THEMIS: variants seen among roughly 807,000 people sequenced by gnomAD.
THEMIS encodes thymocyte selection associated.
A neutral mutation model predicts 52.6 loss-of-function variants in THEMIS; 37 were observed. The ratio of observed to expected loss-of-function variants is 0.70; its 90% confidence interval spans 0.54 to 0.93. THEMIS has a LOEUF of 0.93. THEMIS is among the 40% of genes least tolerant of loss of function. The probability of loss-of-function intolerance (pLI) is 0.00; values close to 1 mark genes in which losing one functional copy is unlikely to be tolerated. For missense variants in THEMIS, 808 were observed against 763.1 expected, an observed-to-expected ratio of 1.06 and a Z score of -0.69; for synonymous variants, 292 against 272.7, an observed-to-expected ratio of 1.07 and a Z score of -0.70.
chr6:127,779,200 T>C (rs1424807526), intron 4 of THEMIS, among the ~76,000 whole-genome samples: 1 of 152,156 alleles, frequency 6.6e-6, no homozygotes, highest in Admixed American at 6.6e-5. Flanking sequence ...TACTTTTGAC[T>C]TTATCATCTT....
the THEMIS span, among the ~76,000 whole-genome samples, chr6:127,696,774 G>A: frequency 1.1e-4 from 17 of 152,108 alleles, no homozygotes; most frequent in African/African-American, 4.1e-4. Flanking sequence ...ATTGTAGATA[G>A]CTTTCTCTCT....
intron 1 of THEMIS, among the ~76,000 whole-genome samples, chr6:127,895,457 C>T (rs1380683408): frequency 2.0e-5 from 3 of 151,406 alleles, no homozygotes; most frequent in East Asian, 1.9e-4. Context: ...TATTACTAAT[C>T]GTATTTAACT....
intron 2 of THEMIS, among the ~76,000 whole-genome samples, chr6:127,845,852 A>G (rs1042139283): frequency 2.6e-5 from 4 of 152,128 alleles, no homozygotes; most frequent in African/African-American, 9.6e-5. Flanking sequence ...GTTCCAACAT[A>G]TTCCTAAGAA....
At chr6:127,878,342 A>T (rs1314163035) in intron 1 of THEMIS, among the ~76,000 whole-genome samples, 1 of 152,208 alleles carries the variant, frequency 6.6e-6, no homozygotes, top group Non-Finnish European at 1.5e-5. Flanking sequence ...ACAGTTGCAG[A>T]AGTCTCTAAT....
intron 3 of THEMIS, among the ~76,000 whole-genome samples, chr6:127,821,300 C>T (rs1219017358): frequency 6.6e-6 from 1 of 151,784 alleles, no homozygotes; most frequent in Non-Finnish European, 1.5e-5. Context: ...TGTCATTTTC[C>T]AAAAAAGTTC....
intron 3 of THEMIS, among the ~76,000 whole-genome samples, chr6:127,823,482 C>T (rs1778408110): frequency 6.6e-6 from 1 of 152,100 alleles, no homozygotes; most frequent in African/African-American, 2.4e-5. Flanking sequence ...CATAAATATA[C>T]ACGCATAAAC....
chr6:127,814,013 A>C, intron 3 of THEMIS, 82 bp from the exon 4 acceptor site: 3 of 1,173,924 alleles, frequency 2.6e-6, no homozygotes, highest in South Asian at 3.7e-5. Flanking sequence ...GCCATAAATA[A>C]ATTTCTTTTA....
chr6:127,805,966 T>C (rs1054586010), intron 4 of THEMIS, among the ~76,000 whole-genome samples: 1 of 152,092 alleles, frequency 6.6e-6, no homozygotes, highest in Non-Finnish European at 1.5e-5. Context: ...CTTTTGATTT[T>C]TTTTTTTAAA....
intron 2 of THEMIS, among the ~76,000 whole-genome samples, chr6:127,830,278 AT>A (rs1407994052): frequency 6.6e-6 from 1 of 152,234 alleles, no homozygotes; most frequent in African/African-American, 2.4e-5. Context: ...TCTCAGTCAC[AT>A]TTTAAATTTT....
chr6:127,742,434 C>A (rs1668587251), intron 4 of THEMIS, among the ~76,000 whole-genome samples: 1 of 150,930 alleles, frequency 6.6e-6, no homozygotes, highest in African/African-American at 2.4e-5. Flanking sequence ...TAAAAAAAAC[C>A]TAAAAGCAGA....
chr6:127,738,056 G>A (rs1775066673), intron 4 of THEMIS, among the ~76,000 whole-genome samples: 1 of 152,090 alleles, frequency 6.6e-6, no homozygotes, highest in Admixed American at 6.6e-5. Context: ...ATAACTAATA[G>A]AAGCATGAGC....
chr6:127,769,850 C>T (rs1444858098), intron 4 of THEMIS, among the ~76,000 whole-genome samples: 1 of 152,156 alleles, frequency 6.6e-6, no homozygotes, highest in African/African-American at 2.4e-5. Flanking sequence ...TCATTTCCCA[C>T]CTATGAGTGA....
intron 1 of THEMIS, among the ~76,000 whole-genome samples, chr6:127,865,408 C>T (rs956015387): frequency 2.6e-5 from 4 of 152,082 alleles, no homozygotes; most frequent in African/African-American, 7.2e-5. Flanking sequence ...CACCCAAAGC[C>T]TGCTGAGTTA....
intron 4 of THEMIS, among the ~76,000 whole-genome samples, chr6:127,770,641 AT>A (rs1347613554): frequency 1.3e-5 from 2 of 152,008 alleles, no homozygotes; most frequent in African/African-American, 4.8e-5. Flanking sequence ...CCATTTGTCA[AT>A]TTTGGCTTTT....
intron 4 of THEMIS, among the ~76,000 whole-genome samples, chr6:127,753,437 A>G (rs1249746818): frequency 6.6e-6 from 1 of 152,114 alleles, no homozygotes; most frequent in Admixed American, 6.6e-5. Context: ...AAAATACTTA[A>G]GAATAAAATT....
chr6:127,858,483 G>T (rs1779690564), intron 1 of THEMIS, among the ~76,000 whole-genome samples: 1 of 152,034 alleles, frequency 6.6e-6, no homozygotes, highest in Admixed American at 6.6e-5. Flanking sequence ...GGGACATATA[G>T]CAAAGCTTAA....
chr6:127,889,551 T>A (rs1427655418), intron 1 of THEMIS, among the ~76,000 whole-genome samples: 2 of 152,092 alleles, frequency 1.3e-5, no homozygotes, highest in African/African-American at 4.8e-5. Context: ...AGATATGAGG[T>A]TAAAGTGGAA....
upstream of THEMIS, among the ~76,000 whole-genome samples, chr6:127,905,319 A>G (rs767688205): frequency 6.6e-6 from 1 of 152,046 alleles, no homozygotes; most frequent in Non-Finnish European, 1.5e-5. Context: ...AACAAAAACC[A>G]ATAAGGGTAG....
intron 1 of THEMIS, among the ~76,000 whole-genome samples, chr6:127,891,575 G>T (rs372222905): frequency 6.8e-6 from 1 of 147,292 alleles, no homozygotes; most frequent in Non-Finnish European, 1.5e-5. Context: ...CAAAGAAAAA[G>T]AAAGTCCTGA....
Sources: allele counts gnomAD v4.1 joint callset (sites outside exome capture counted in the v4.1 genomes callset), GRCh38; gene constraint gnomAD v4.1.1; transcripts MANE v1.5; gene names NCBI Gene and HGNC (gene_info 2026-07-23, HGNC 2026-07-21).